The following PCF11 variants were observed in gnomAD, a reference collection of about 807,000 sequenced individuals.
PCF11 encodes PCF11 cleavage and polyadenylation factor subunit.
In PCF11, 19 loss-of-function variants were observed where a neutral mutation model predicts 166.1. That is an observed-to-expected ratio of 0.11 (90% CI 0.08 to 0.17). PCF11 has a LOEUF of 0.17. Among genes scored for constraint, PCF11 ranks in the 10% least tolerant of loss-of-function variants. The pLI, the probability that PCF11 is intolerant of heterozygous loss-of-function variation, is 1.00. For synonymous variants in PCF11, 663 were observed against 644.1 expected, an observed-to-expected ratio of 1.03 and a Z score of -0.44; for missense variants, 1,565 against 1,855.5, an observed-to-expected ratio of 0.84 and a Z score of 2.88.
intron 13 of PCF11, 131 bp from the exon 14 acceptor site, chr11:83,182,268 A>G (rs1176040269): frequency 8.0e-6 from 5 of 622,208 alleles, no homozygotes; most frequent in Non-Finnish European, 1.4e-5. Context: ...CATACTGTAT[A>G]TTGGACATTA....
At chr11:83,169,222 T>C in exon 8 of PCF11, 1 of 1,612,988 alleles carries the variant, frequency 6.2e-7, no homozygotes, top group Non-Finnish European at 8.5e-7. Context: ...CCATGGTCAG[T>C]CAGTAGCTGG....
chr11:83,174,596 A>G (rs568805100), intron 9 of PCF11, among the ~76,000 whole-genome samples: 1 of 152,006 alleles, frequency 6.6e-6, no homozygotes, highest in Admixed American at 6.6e-5. Context: ...AATGCCAAAC[A>G]CCTCAGTTCC....
chr11:83,185,100 T>A (rs937000767), exon 16 of PCF11: 4 of 466,530 alleles, frequency 8.6e-6, no homozygotes, highest in African/African-American at 8.2e-5. Context: ...TGTGTGAAAG[T>A]TCTGTAGATG....
chr11:83,184,497 G>A (rs890597241), intron 15 of PCF11, 182 bp from the exon 16 acceptor site: 14 of 576,640 alleles, frequency 2.4e-5, no homozygotes, highest in Admixed American at 3.5e-5. Flanking sequence ...CATATTGAAC[G>A]TGCAATATAT....
intron 2 of PCF11, 96 bp from the exon 3 acceptor site, chr11:83,163,583 T>C (rs1172043796): frequency 2.3e-6 from 1 of 435,116 alleles, no homozygotes; most frequent in Non-Finnish European, 4.0e-6. Context: ...AGTACAGTTC[T>C]GTATGTGAAG....
intron 10 of PCF11, 67 bp downstream of exon 10, chr11:83,177,271 A>G: frequency 8.3e-7 from 1 of 1,200,218 alleles, no homozygotes. Context: ...ATGATGTAAT[A>G]TAATGATATA....
At chr11:83,173,715 CTTTCTTTT>C (rs1860772763) in intron 9 of PCF11, among the ~76,000 whole-genome samples, 1 of 79,258 alleles carries the variant, frequency 1.3e-5, no homozygotes, top group African/African-American at 4.8e-5. Context: ...TTCTTTCTTT[CTTTCTTTT>C]TTTTTTTTTT....
intron 15 of PCF11, 73 bp from the exon 16 acceptor site, chr11:83,184,606 T>TA: frequency 9.7e-7 from 1 of 1,028,538 alleles, no homozygotes; most frequent in Non-Finnish European, 1.5e-6. Context: ...ACAAGGGTCT[T>TA]ACAAGACTAA....
In PCF11 at chr11:83,166,727, C is replaced by T; in HGVS notation, c.1817+13C>T. ...AAGAAAATAAAAGGTATGATGTTAA[C>T]ATTTTAAGTCAAGTGTAGTAGTGTA... On this transcript the variant is annotated intron_variant, in intron 5 of 15. Transcript: ENST00000298281. 1 of 1,565,994 alleles carries T rather than the reference C, an allele frequency of 6.4e-7. No individual in the cohort carries two copies. Among genetic ancestry groups the T allele is most frequent in the Non-Finnish European group, 8.6e-7 (1 of 1,161,652 alleles).
rs1322320178 is a variant in PCF11 at position 83,165,781 on chromosome 11, G to A, written c.884G>A (p.Arg295Gln). The A allele has an allele frequency of 4.3e-6, 7 of 1,612,720 alleles. No individual in the cohort carries two copies. The highest frequency in any genetic ancestry group is 5.9e-6 in the Non-Finnish European group (7 of 1,179,368). Residue 295 changes from arginine to glutamine, a missense_variant, in exon 5 of 16, where the codon CGG (arginine) becomes CAG (glutamine). Arg to Gln is a conservative substitution (Grantham distance 43). Around this residue, in one of 12 missense-constraint regions of PCF11, gnomAD observed 468 missense variants for 483.4 expected, o/e 0.97. Transcript: ENST00000298281. ...ATTCAGGATTTAAAAGGAACTAACCGGGATCCTCGTCTGAACAGGATAAGC... is the reference window on the plus strand; with the variant it reads ...ATTCAGGATTTAAAAGGAACTAACCAGGATCCTCGTCTGAACAGGATAAGC...
chr11:83,167,927 A>G lies in PCF11; in HGVS notation c.2092+422A>G, dbSNP rs375855460. ...GAAAAAGTTAAATCAGATTATGCCTATTGAATCACACAGCAGTGAAGGGAA... is the reference window on the plus strand; with the variant it reads ...GAAAAAGTTAAATCAGATTATGCCTGTTGAATCACACAGCAGTGAAGGGAA... On this transcript the variant is annotated intron_variant, in intron 7 of 15. Transcript: ENST00000298281. The surrounding 1 kb of genome is among the most constrained non-coding windows in gnomAD (Gnocchi z 4.2). 6.3e-6 allele frequency: 8 copies of G among 1,275,408 alleles called. No individual in the cohort carries two copies. The South Asian group carries it at 6.5e-5, about 10-fold the overall frequency. 79.0% of individuals were successfully genotyped at this position (1,275,408 alleles called of 1,614,324 possible). A position where few individuals can be genotyped will look rare whatever the true frequency, so the allele number is the denominator to read the frequency against.
At position 83,172,034 on chromosome 11, in the gene PCF11, T is replaced by G. The variant is rs1860708289; in HGVS notation, c.3757+120T>G. On this transcript the variant is annotated intron_variant, in intron 9 of 15. Transcript: ENST00000298281. ...AAAGGTATATTTAATTTAGAGAAAT[T>G]TAATCTGGCTGACATATTTTTGTTC... The G allele has an allele frequency of 1.1e-5, 7 of 623,714 alleles. No homozygotes were observed. In the South Asian group the frequency reaches 1.4e-4, roughly 12 times the overall value. The allele number at this position is 623,714 out of a possible 1,614,324, so 38.6% of individuals were successfully genotyped here. A position where few individuals can be genotyped will look rare whatever the true frequency, so the allele number is the denominator to read the frequency against.
At chr11:83,160,347 T>C (rs11233497) in intron 1 of PCF11, among the ~76,000 whole-genome samples, 2 of 120,598 alleles carry the variant, frequency 1.7e-5, no homozygotes, top group Non-Finnish European at 3.5e-5. Context: ...TTTTTTTGTC[T>C]TTTTTTTTTA....
intron 11 of PCF11, among the ~76,000 whole-genome samples, chr11:83,179,743 C>T (rs1396323198): frequency 1.3e-5 from 2 of 151,918 alleles, no homozygotes; most frequent in African/African-American, 4.8e-5. Flanking sequence ...TCTACTAGAA[C>T]CTGTCTCTAC....
chr11:83,177,014 A>G (rs2135439968), intron 9 of PCF11, 71 bp from the exon 10 acceptor site: 2 of 1,158,242 alleles, frequency 1.7e-6, no homozygotes, highest in Non-Finnish European at 2.3e-6. Flanking sequence ...AATGCTTAGT[A>G]TAATTTGCAT....
intron 11 of PCF11, 124 bp from the exon 12 acceptor site, chr11:83,180,884 C>G (rs529210342): frequency 1.9e-6 from 1 of 539,968 alleles, no homozygotes; most frequent in Non-Finnish European, 3.3e-6. Flanking sequence ...TGGGTATTAA[C>G]TGTTTCAGCC....
chr11:83,170,035 GTT>G (rs768248913), intron 8 of PCF11, 40 bp downstream of exon 8: 2 of 1,487,642 alleles, frequency 1.3e-6, no homozygotes, highest in South Asian at 2.7e-5. Context: ...ATGCAGATAA[GTT>G]AACCATTTTT....
At chr11:83,177,759 A>T (rs369905661) in exon 11 of PCF11, 2 of 1,545,304 alleles carry the variant, frequency 1.3e-6, no homozygotes, top group Non-Finnish European at 1.8e-6. Flanking sequence ...GAGGAGGAAG[A>T]TCAAAATGAA....
intron 9 of PCF11, 49 bp from the exon 10 acceptor site, chr11:83,177,036 A>G: frequency 7.5e-7 from 1 of 1,339,738 alleles, no homozygotes; most frequent in Non-Finnish European, 9.7e-7. Context: ...TTTAAGTTCT[A>G]CATTCACTTC....
Sources: gnomAD v4.1 joint callset for allele counts (sites outside exome capture counted in the v4.1 genomes callset) on GRCh38, gnomAD v4.1.1 for gene constraint, gnomAD v4.1.1 regional missense constraint, Gnocchi (gnomAD v3.1) non-coding constraint, MANE v1.5 for transcripts, NCBI Gene and HGNC (gene_info 2026-07-23, HGNC 2026-07-21) for gene names.